The following ARHGEF38 variants were observed in gnomAD, a reference collection of about 807,000 sequenced individuals.
ARHGEF38 encodes Rho guanine nucleotide exchange factor (GEF) 38.
Under a neutral mutation model 79.9 loss-of-function variants are expected in ARHGEF38, and 79 were observed. The ratio of observed to expected loss-of-function variants is 0.99; its 90% CI spans 0.82 to 1.19. ARHGEF38 has a LOEUF of 1.19. Among genes scored for constraint, ARHGEF38 ranks in the 50% most tolerant of loss-of-function variants. The pLI, the probability that ARHGEF38 is intolerant of heterozygous loss-of-function variation, is 0.00. For synonymous variants in ARHGEF38, 366 were observed against 328.3 expected, an observed-to-expected ratio of 1.11 and a Z score of -1.24; for missense variants, 962 against 907.2, an observed-to-expected ratio of 1.06 and a Z score of -0.78.
At chr4:105,675,751 T>A (rs1321099131) in intron 13 of ARHGEF38, among the ~76,000 whole-genome samples, 2 of 152,164 alleles carry the variant, frequency 1.3e-5, no homozygotes, top group African/African-American at 4.8e-5. Context: ...AGGCACCAGT[T>A]TATGTGGTGT....
intron 13 of ARHGEF38, among the ~76,000 whole-genome samples, chr4:105,677,252 C>T (rs1731155907): frequency 6.6e-6 from 1 of 152,144 alleles, no homozygotes; most frequent in South Asian, 2.1e-4. Context: ...CGTGAGCCAC[C>T]GCGCCCGGCC....
chr4:105,673,318 A>G (rs903454058), intron 13 of ARHGEF38, among the ~76,000 whole-genome samples: 1 of 152,120 alleles, frequency 6.6e-6, no homozygotes, highest in Non-Finnish European at 1.5e-5. Flanking sequence ...CACTTCTCAA[A>G]AAGGACTAGG....
chr4:105,664,040 T>A (rs1730662447), intron 10 of ARHGEF38, among the ~76,000 whole-genome samples: 1 of 152,030 alleles, frequency 6.6e-6, no homozygotes, highest in Non-Finnish European at 1.5e-5. Context: ...TTTACTCATA[T>A]GTCAATGATC....
At chr4:105,600,329 C>T (rs1727768280) in intron 2 of ARHGEF38, among the ~76,000 whole-genome samples, 1 of 152,138 alleles carries the variant, frequency 6.6e-6, no homozygotes, top group Non-Finnish European at 1.5e-5. Context: ...CAATTAATTG[C>T]TTTAGACATT....
chr4:105,609,528 T>TTCCAGCCTGGGCG (rs1728195159), intron 2 of ARHGEF38, among the ~76,000 whole-genome samples: 1 of 152,118 alleles, frequency 6.6e-6, no homozygotes, highest in Admixed American at 6.6e-5. Context: ...ATATCCATTC[T>TTCCAGCCTGGGCG]ACCTAAAGCA....
chr4:105,668,349 T>G (rs1730833424), intron 13 of ARHGEF38, among the ~76,000 whole-genome samples: 1 of 151,986 alleles, frequency 6.6e-6, no homozygotes, highest in Non-Finnish European at 1.5e-5. Context: ...GCCTGGCTAA[T>G]TTTTGTATTT....
At position 105,667,445 on chromosome 4, in the gene ARHGEF38, T is replaced by C. The variant is rs1406127941; in HGVS notation, c.1890T>C (p.Asn630=). ...STSRWLVDTG[N]VKGYVYSSFL... ...TCTTTCTTTTTATTTCCTATCCAGA[T>C]GTGAAAGGATATGTTTATTCCTCCT... The change falls in exon 13 of 14, where the codon AAT becomes AAC. Residue 630 remains asparagine, a splice_region_variant and synonymous_variant. Transcript: ENST00000420470. 23 of 1,536,010 alleles carry C rather than the reference T, an allele frequency of 1.5e-5. No individual in the cohort carries two copies. The highest frequency in any genetic ancestry group is 2.0e-5 in the Non-Finnish European group (23 of 1,146,898).
chr4:105,562,500 C>T (rs1239981056), intron 1 of ARHGEF38, among the ~76,000 whole-genome samples: 2 of 152,106 alleles, frequency 1.3e-5, no homozygotes, highest in African/African-American at 4.8e-5. Context: ...AATTTCTTTA[C>T]ATTCTTTTTC....
chr4:105,613,573 G>T, intron 3 of ARHGEF38, 66 bp downstream of exon 3: 1 of 1,575,162 alleles, frequency 6.3e-7, no homozygotes. Flanking sequence ...ACCTCCCTTT[G>T]CTTTGGTTTT....
chr4:105,648,542 T>C lies in ARHGEF38; in HGVS notation c.875-7T>C. On this transcript the variant is annotated splice_polypyrimidine_tract_variant and splice_region_variant and intron_variant, in intron 6 of 13. Coordinates refer to ENST00000420470, the MANE Select transcript of ARHGEF38 (RefSeq NM_001242729.2). Reference sequence around the variant, plus strand: ...TTCAGCTACGTTATTACATTCTTCCTTTTCAGTTCTAAAATACAAGAAGAA... The same window carrying C: ...TTCAGCTACGTTATTACATTCTTCCCTTTCAGTTCTAAAATACAAGAAGAA... The C allele has an allele frequency of 2.0e-6, 3 of 1,498,620 alleles. No homozygotes were observed. The highest frequency in any genetic ancestry group is 2.7e-6 in the Non-Finnish European group (3 of 1,131,016). 92.8% of individuals were successfully genotyped at this position (1,498,620 alleles called of 1,614,324 possible). A position where few individuals can be genotyped will look rare whatever the true frequency, so the allele number is the denominator to read the frequency against.
intron 10 of ARHGEF38, among the ~76,000 whole-genome samples, chr4:105,661,102 GCTT>G: frequency 6.6e-6 from 1 of 152,016 alleles, no homozygotes. Context: ...TTTGTGACTG[GCTT>G]CTTCTATTTA....
At chr4:105,627,853 C>T (rs939103002) in intron 3 of ARHGEF38, among the ~76,000 whole-genome samples, 10 of 152,182 alleles carry the variant, frequency 6.6e-5, no homozygotes, top group African/African-American at 2.4e-4. Context: ...ACTGCTTCAT[C>T]TGCACTATTA....
chr4:105,649,205 A>C (rs1729987496), intron 7 of ARHGEF38, among the ~76,000 whole-genome samples: 1 of 152,058 alleles, frequency 6.6e-6, no homozygotes, highest in South Asian at 2.1e-4. Context: ...CACTCCCCAG[A>C]TGCACATTAT....
At chr4:105,577,890 T>C (rs1206317371) in intron 1 of ARHGEF38, among the ~76,000 whole-genome samples, 2 of 152,170 alleles carry the variant, frequency 1.3e-5, no homozygotes, top group Admixed American at 6.5e-5. Flanking sequence ...TTTTGTTTCA[T>C]TGATCTTTTG....
intron 5 of ARHGEF38, 98 bp from the exon 6 acceptor site, chr4:105,645,090 A>G: frequency 1.1e-6 from 1 of 942,956 alleles, no homozygotes; most frequent in East Asian, 3.1e-5. Context: ...TGAAAAAAAG[A>G]GAAAATGTTT....
chr4:105,665,752 G>T (rs1730727039), intron 10 of ARHGEF38, among the ~76,000 whole-genome samples: 1 of 152,094 alleles, frequency 6.6e-6, no homozygotes, highest in South Asian at 2.1e-4. Context: ...GTTTTTGAGG[G>T]GTAGGGATGT....
intron 9 of ARHGEF38, among the ~76,000 whole-genome samples, chr4:105,656,134 A>G (rs954692620): frequency 1.2e-4 from 19 of 152,030 alleles, no homozygotes; most frequent in Non-Finnish European, 2.4e-4. Flanking sequence ...AGCTCACTGA[A>G]ACCTCTGCCT....
intron 3 of ARHGEF38, among the ~76,000 whole-genome samples, chr4:105,618,713 T>C (rs1728615849): frequency 6.6e-6 from 1 of 152,202 alleles, no homozygotes; most frequent in South Asian, 2.1e-4. Flanking sequence ...TGGTTGATGC[T>C]ATGTTTAGTG....
At chr4:105,649,830 A>T (rs1457835407) in intron 7 of ARHGEF38, among the ~76,000 whole-genome samples, 1 of 152,212 alleles carries the variant, frequency 6.6e-6, no homozygotes, top group Non-Finnish European at 1.5e-5. Flanking sequence ...CACTATTCAT[A>T]TTTGCAGGAG....
Sources: gnomAD v4.1 joint callset for allele counts (sites outside exome capture counted in the v4.1 genomes callset) on GRCh38, gnomAD v4.1.1 for gene constraint, MANE v1.5 for transcripts, NCBI Gene and HGNC (gene_info 2026-07-23, HGNC 2026-07-21) for gene names.